Variants in FMN1 observed in about 807,000 individuals in gnomAD.
FMN1 encodes formin 1, also known as formin-1.
In FMN1, 110 loss-of-function variants were observed where a neutral mutation model predicts 132.4. The observed-to-expected ratio is 0.83, with a 90% CI of 0.71 to 0.97. The LOEUF is 0.97. Ranked by LOEUF, FMN1 falls within the 50% of genes least tolerant of loss-of-function variation. The probability of loss-of-function intolerance (pLI) is 0.00; values close to 1 mark genes in which losing one functional copy is unlikely to be tolerated. For missense variants in FMN1, 1,792 were observed against 1,705.3 expected (o/e 1.05, Z -0.90); for synonymous variants, 722 against 651.7 (o/e 1.11, Z -1.64).
chr15:33,186,786 A>T (rs141305033), intron 2 of FMN1, among the ~76,000 whole-genome samples: 9 of 152,370 alleles, frequency 5.9e-5, no homozygotes, highest in African/African-American at 2.2e-4. Flanking sequence ...ATAAAATCAG[A>T]GAAAGAGTAG....
chr15:33,138,099 G>A (rs920050435), intron 4 of FMN1, among the ~76,000 whole-genome samples: 2 of 152,176 alleles, frequency 1.3e-5, no homozygotes, highest in Non-Finnish European at 2.9e-5. Context: ...TGCTGTTACT[G>A]CTATTTGTTA....
intron 4 of FMN1, among the ~76,000 whole-genome samples, chr15:33,133,045 C>A (rs1963614845): frequency 6.6e-6 from 1 of 152,208 alleles, no homozygotes; most frequent in South Asian, 2.1e-4. Flanking sequence ...TGCCCCAAGT[C>A]ACAGACTTAT....
intron 17 of FMN1, among the ~76,000 whole-genome samples, chr15:32,815,321 G>A (rs2058023656): frequency 6.6e-6 from 1 of 151,870 alleles, no homozygotes; most frequent in Non-Finnish European, 1.5e-5. Flanking sequence ...TAGCATTTTA[G>A]TACTAGATAT....
intron 20 of FMN1, among the ~76,000 whole-genome samples, chr15:32,776,564 T>A (rs192420623): frequency 6.6e-6 from 1 of 152,156 alleles, no homozygotes. Context: ...GTGACTGTAC[T>A]GCGGGTAGGG....
In FMN1 at chr15:33,154,000, A is replaced by G; in HGVS notation, c.915T>C (p.His305=). 6.5e-7 allele frequency: 1 copy of G among 1,536,426 alleles called. No individual in the cohort carries two copies. Among genetic ancestry groups the G allele is most frequent in the Non-Finnish European group, 8.7e-7 (1 of 1,146,982 alleles). Residue 305 remains histidine, a synonymous_variant, in exon 4 of 21, where the codon CAT becomes CAC. Transcript: ENST00000616417. ...CCATCTCATCCTTTTCTGCCTCTGG[A>G]TGCTTCTCAGGGTCCTGGTGACTTT... The part of the protein sequence containing the change: ...LSESHQDPEK[H]PEAEKDEMEK...
intron 7 of FMN1, among the ~76,000 whole-genome samples, chr15:33,001,921 A>G (rs1284710304): frequency 6.6e-6 from 1 of 152,100 alleles, no homozygotes; most frequent in Non-Finnish European, 1.5e-5. Flanking sequence ...CTTACTGCCC[A>G]TGGAACTACA....
At chr15:33,075,236 A>G (rs567682180) in intron 5 of FMN1, among the ~76,000 whole-genome samples, 1 of 152,198 alleles carries the variant, frequency 6.6e-6, no homozygotes, top group South Asian at 2.1e-4. Flanking sequence ...AATAACCTGC[A>G]GTAAGTAGGA....
chr15:32,948,709 C>T (rs1394912544), intron 9 of FMN1, among the ~76,000 whole-genome samples: 1 of 151,884 alleles, frequency 6.6e-6, no homozygotes, highest in East Asian at 1.9e-4. Context: ...GTTACATTCA[C>T]TTTTACTTCC....
At chr15:32,992,002 T>TA (rs1285797448) in intron 7 of FMN1, among the ~76,000 whole-genome samples, 1 of 152,196 alleles carries the variant, frequency 6.6e-6, no homozygotes, top group Non-Finnish European at 1.5e-5. Flanking sequence ...ATAGACCTTG[T>TA]AGTCCAGGGG....
chr15:32,935,418 T>G (rs569378405), intron 9 of FMN1, among the ~76,000 whole-genome samples: 1 of 152,192 alleles, frequency 6.6e-6, no homozygotes, highest in Non-Finnish European at 1.5e-5. Flanking sequence ...TTTTGACAGT[T>G]TGATTATAAT....
In FMN1 at chr15:32,969,013, A is replaced by G. The variant is rs1281275432; in HGVS notation, c.2688T>C (p.Pro896=). Residue 896 remains proline (P), a synonymous_variant, in exon 8 of 21, where the codon CCT becomes CCC. Transcript: ENST00000616417. ...GTGGTAGCGGTGGCCCAGCACTCAC[A>G]GGTGGCATTGGAGGTGCGGGAGACA... The part of the protein sequence containing the change: ...GSLSPAPPMP[P]VSAGPPLPPP... 1 of 1,140,674 alleles carries G rather than the reference A, an allele frequency of 8.8e-7. No individual in the cohort carries two copies. The highest frequency in any genetic ancestry group is 1.5e-5 in the South Asian group (1 of 68,610). 70.7% of individuals were successfully genotyped at this position (1,140,674 alleles called of 1,614,324 possible). A position where few individuals can be genotyped will look rare whatever the true frequency, so the allele number is the denominator to read the frequency against.
intron 14 of FMN1, 83 bp from the exon 15 acceptor site, chr15:32,898,976 A>G: frequency 1.1e-6 from 1 of 946,646 alleles, no homozygotes; most frequent in East Asian, 2.4e-5. Context: ...ATCTCAGTTG[A>G]GAAATTTCTA....
chr15:32,943,655 G>A (rs1390766873), intron 9 of FMN1, among the ~76,000 whole-genome samples: 2 of 152,196 alleles, frequency 1.3e-5, no homozygotes, highest in African/African-American at 4.8e-5. Context: ...AAGGGCTACA[G>A]GCTCTGATGA....
intron 7 of FMN1, among the ~76,000 whole-genome samples, chr15:32,990,602 AATTT>A (rs2033373993): frequency 6.6e-6 from 1 of 152,214 alleles, no homozygotes; most frequent in Admixed American, 6.5e-5. Flanking sequence ...AGGATAGCTG[AATTT>A]ATTACTAGAA....
intron 6 of FMN1, among the ~76,000 whole-genome samples, chr15:33,017,724 C>T (rs1388794131): frequency 1.3e-5 from 2 of 152,188 alleles, no homozygotes; most frequent in African/African-American, 4.8e-5. Context: ...ATTCTCCAAG[C>T]CACTAGTTTC....
intron 19 of FMN1, among the ~76,000 whole-genome samples, chr15:32,794,772 T>A (rs2057222655): frequency 6.6e-6 from 1 of 152,150 alleles, no homozygotes; most frequent in Non-Finnish European, 1.5e-5. Flanking sequence ...AAGGTAAAAG[T>A]GAGGCAAAGT....
At chr15:32,781,908 C>T (rs908578043) in intron 19 of FMN1, among the ~76,000 whole-genome samples, 2 of 152,212 alleles carry the variant, frequency 1.3e-5, no homozygotes, top group African/African-American at 4.8e-5. Context: ...CCCACCCAAA[C>T]GACTTACATT....
chr15:33,074,219 G>A (rs191396169), intron 5 of FMN1, among the ~76,000 whole-genome samples: 117 of 152,236 alleles, frequency 7.7e-4, no homozygotes, highest in African/African-American at 2.7e-3. Context: ...CAGCATCTTC[G>A]TTATACTCAT....
At chr15:33,120,593 G>A (rs572477959) in intron 4 of FMN1, among the ~76,000 whole-genome samples, 92 of 139,600 alleles carry the variant, frequency 6.6e-4, no homozygotes, top group Non-Finnish European at 1.2e-3. Context: ...GAACACACAC[G>A]TAGTGATACC....
Sources: allele counts gnomAD v4.1 joint callset (sites outside exome capture counted in the v4.1 genomes callset), GRCh38; gene constraint gnomAD v4.1.1; transcripts MANE v1.5; gene names NCBI Gene and HGNC (gene_info 2026-07-23, HGNC 2026-07-21).